The following SOS1 variants were observed in gnomAD, a reference collection of about 807,000 sequenced individuals.
SOS1 encodes SOS Ras/Rac guanine nucleotide exchange factor 1, also known as son of sevenless homolog 1.
A neutral mutation model predicts 157.6 loss-of-function variants in SOS1; 25 were observed. That is an observed-to-expected ratio of 0.16 (90% CI 0.12 to 0.22). The LOEUF (loss-of-function observed/expected upper bound fraction) is 0.22. SOS1 is among the 10% of genes least tolerant of loss of function. The pLI is 1.00. For synonymous variants in SOS1, 528 were observed against 534.0 expected (o/e 0.99, Z 0.16); for missense variants, 1,237 against 1,599.1 (o/e 0.77, Z 3.86).
At chr2:38,986,394 T>G in intron 22 of SOS1, 79 bp from the exon 23 acceptor site, 1 of 1,313,152 alleles carries the variant, frequency 7.6e-7, no homozygotes. Context: ...AAGTTGGGGT[T>G]TTCAAACATG....
At chr2:39,107,663 G>GAAAAAAAAAAAAAAA (rs11464462) in intron 1 of SOS1, among the ~76,000 whole-genome samples, 1 of 96,262 alleles carries the variant, frequency 1.0e-5, no homozygotes. Flanking sequence ...ACACTAAAAA[G>GAAAAAAAAAAAAAAA]AAAAAAAAAA....
intron 2 of SOS1, among the ~76,000 whole-genome samples, chr2:39,064,385 C>T (rs1671516753): frequency 6.6e-6 from 1 of 152,184 alleles, no homozygotes; most frequent in South Asian, 2.1e-4. Flanking sequence ...GGGAGGGGCA[C>T]AAACATTTGG....
intron 1 of SOS1, among the ~76,000 whole-genome samples, chr2:39,117,121 C>T (rs909552144): frequency 3.3e-5 from 5 of 151,630 alleles, no homozygotes; most frequent in East Asian, 3.9e-4. Flanking sequence ...CTCCGTCTTC[C>T]GGTTTCAAGC....
chr2:39,013,885 A>G lies in SOS1; in HGVS notation c.2045T>C (p.Ile682Thr), dbSNP rs1669542384. 1 of 1,609,730 alleles carries G rather than the reference A, an allele frequency of 6.2e-7. No individual in the cohort carries two copies. Among genetic ancestry groups the G allele is most frequent in the Non-Finnish European group, 8.5e-7 (1 of 1,176,394 alleles). The change falls in exon 12 of 23, where the codon ATA becomes ACA. Residue 682 changes from isoleucine to threonine, a missense_variant. By Grantham distance (89) the Ile-to-Thr change is moderately conservative (BLOSUM62 -1). This residue lies in a region of SOS1 where 42 missense variants were observed against 80.4 expected (regional missense o/e 0.52). Transcript: ENST00000402219. ...TGCTTACCGCAGTTGCACAGGCTGT[A>G]TATATTCTTTTCTAAATCTTTTCAG... ...AELKRFRKEY[I>T]QPVQLRVLNV...
chr2:39,120,296 G>A (rs773838794), intron 1 of SOS1, 40 bp downstream of exon 1: 9 of 1,536,242 alleles, frequency 5.9e-6, no homozygotes, highest in Non-Finnish European at 6.1e-6. Context: ...CCCGCGCTGG[G>A]GGGCTGCGGC....
intron 1 of SOS1, among the ~76,000 whole-genome samples, chr2:39,093,767 G>C (rs558799556): frequency 2.6e-5 from 4 of 152,300 alleles, no homozygotes; most frequent in African/African-American, 7.2e-5. Context: ...ATGTGATGGA[G>C]TGGCAATCAT....
intron 9 of SOS1, 49 bp downstream of exon 9, chr2:39,023,961 C>T: frequency 7.2e-7 from 1 of 1,384,718 alleles, no homozygotes; most frequent in Non-Finnish European, 1.0e-6. Context: ...TGAATTTACA[C>T]CACAATATTC....
At chr2:39,071,355 T>A (rs961621525) in intron 1 of SOS1, among the ~76,000 whole-genome samples, 3 of 152,190 alleles carry the variant, frequency 2.0e-5, no homozygotes, top group African/African-American at 7.2e-5. Flanking sequence ...TATCTACTTA[T>A]ATAGTGGGCT....
chr2:39,048,046 T>A (rs1670855852), intron 6 of SOS1, among the ~76,000 whole-genome samples: 1 of 152,216 alleles, frequency 6.6e-6, no homozygotes, highest in African/African-American at 2.4e-5. Flanking sequence ...GTCTATAGCT[T>A]GCCTTTTCAT....
At chr2:39,000,037 G>C (rs1034697526) in intron 17 of SOS1, among the ~76,000 whole-genome samples, 1 of 152,108 alleles carries the variant, frequency 6.6e-6, no homozygotes, top group Non-Finnish European at 1.5e-5. Flanking sequence ...GGGATAATGG[G>C]GAGTGGATAA....
chr2:39,115,613 T>G (rs1673621599), intron 1 of SOS1, among the ~76,000 whole-genome samples: 1 of 151,846 alleles, frequency 6.6e-6, no homozygotes, highest in Non-Finnish European at 1.5e-5. Context: ...ATTTTTTAAG[T>G]TTTTTGTAGA....
intron 2 of SOS1, among the ~76,000 whole-genome samples, chr2:39,064,377 G>T (rs1307157821): frequency 6.6e-6 from 1 of 152,158 alleles, no homozygotes; most frequent in Admixed American, 6.5e-5. Context: ...ATGAATTTGG[G>T]AGGGGCACAA....
In SOS1 at chr2:38,989,263, TACTA is replaced by T. The variant is rs756201866; in HGVS notation, c.3391+3_3391+6del. ...AGAATTATGAGTCTTAAACCAAATA[TACTA>T]ACTTGGGCCATGGGGCAGAGTAACT... On this transcript the variant is annotated splice_donor_5th_base_variant and intron_variant, in intron 21 of 22. Transcript: ENST00000402219. 35 of 1,585,372 alleles carry T rather than the reference TACTA, an allele frequency of 2.2e-5. No homozygotes were observed. The Admixed American group carries it at 2.8e-4, about 13-fold the overall frequency.
At position 39,056,689 on chromosome 2, in the gene SOS1, C is replaced by T. The variant is rs775993294; in HGVS notation, c.510+13G>A. 2 of 1,566,920 alleles carry T rather than the reference C, an allele frequency of 1.3e-6. No individual in the cohort carries two copies. Among genetic ancestry groups the T allele is most frequent in the South Asian group, 1.1e-5 (1 of 90,008 alleles). ...GAAACTTAAGAAAAAAATAGAAAAGCTCAGTTTCCTACCTTGTCAGCACAC... is the reference window on the plus strand; with the variant it reads ...GAAACTTAAGAAAAAAATAGAAAAGTTCAGTTTCCTACCTTGTCAGCACAC... On this transcript the variant is annotated intron_variant, in intron 4 of 22. Coordinates refer to ENST00000402219, the MANE Select transcript of SOS1 (RefSeq NM_005633.4).
intron 1 of SOS1, among the ~76,000 whole-genome samples, chr2:39,115,201 C>A (rs1410044020): frequency 6.6e-6 from 1 of 152,040 alleles, no homozygotes; most frequent in Non-Finnish European, 1.5e-5. Flanking sequence ...TGTACACACC[C>A]CTGAAACCAT....
intron 1 of SOS1, chr2:39,082,798 C>T (rs1672253248): frequency 2.6e-5 from 4 of 152,134 alleles, no homozygotes; most frequent in Admixed American, 6.5e-5. Flanking sequence ...TAGATGCAAA[C>T]CTCTAAATTT....
At chr2:39,074,359 A>AG (rs1671892741) in intron 1 of SOS1, among the ~76,000 whole-genome samples, 2 of 2,618 alleles carry the variant, frequency 7.6e-4, no homozygotes, top group Non-Finnish European at 4.1e-3. Context: ...CAGAAAAAAG[A>AG]AAAAAAAAAA....
chr2:39,096,010 T>C (rs1041683481), intron 1 of SOS1, among the ~76,000 whole-genome samples: 1 of 152,216 alleles, frequency 6.6e-6, no homozygotes, highest in Non-Finnish European at 1.5e-5. Flanking sequence ...AAATTCCTCC[T>C]ATAAAAGAAA....
Position 38,985,741 on chromosome 2 carries a change from T to A in SOS1, c.*83A>T. On this transcript the variant is annotated 3_prime_UTR_variant, in exon 23 of 23. Transcript: ENST00000402219. ...TAGTGTTTGGAGTTCTCATTTTAAC[T>A]CCTCAGTGCTGGCACATTCAGTGCA... 275 of 1,328,290 alleles carry A rather than the reference T, an allele frequency of 2.1e-4. No homozygotes were observed. The highest frequency in any genetic ancestry group is 2.6e-4 in the Non-Finnish European group (239 of 933,724). The allele number at this position is 1,328,290 out of a possible 1,614,324, so 82.3% of individuals were successfully genotyped here.
Sources: allele counts gnomAD v4.1 joint callset (sites outside exome capture counted in the v4.1 genomes callset), GRCh38; gene constraint gnomAD v4.1.1; regional missense constraint gnomAD v4.1.1; transcripts MANE v1.5; gene names NCBI Gene and HGNC (gene_info 2026-07-23, HGNC 2026-07-21).